The following DOK6 variants were observed in gnomAD, a reference collection of about 807,000 sequenced individuals.
DOK6 encodes the protein docking protein 6, also known as downstream of tyrosine kinase 6.
Under a neutral mutation model 44.0 loss-of-function variants are expected in DOK6, and 22 were observed. That is an observed-to-expected ratio of 0.50 (90% confidence interval 0.36 to 0.71). The LOEUF is 0.71. DOK6 is among the 30% of genes least tolerant of loss of function. DOK6 has a pLI of 0.00. For missense variants in DOK6, 340 were observed against 416.4 expected (o/e 0.82, Z 1.60); for synonymous variants, 166 against 145.5 (o/e 1.14, Z -1.01).
At chr18:69,656,866 C>T (rs930782990) in intron 3 of DOK6, among the ~76,000 whole-genome samples, 1 of 152,156 alleles carries the variant, frequency 6.6e-6, no homozygotes, top group Non-Finnish European at 1.5e-5. Context: ...TAGAATGCAA[C>T]TTCTCAGGTT....
At chr18:69,422,020 A>G (rs891219534) in intron 1 of DOK6, among the ~76,000 whole-genome samples, 3 of 152,216 alleles carry the variant, frequency 2.0e-5, no homozygotes, top group Non-Finnish European at 4.4e-5. Flanking sequence ...AGCTAGAATC[A>G]CTTAGAAAGC....
intron 7 of DOK6, among the ~76,000 whole-genome samples, chr18:69,802,201 T>C (rs1980923006): frequency 6.6e-6 from 1 of 152,122 alleles, no homozygotes; most frequent in South Asian, 2.1e-4. Context: ...AGAACAGAAA[T>C]GGTGTGTTTT....
chr18:69,518,674 TG>T (rs1317581230), intron 1 of DOK6, among the ~76,000 whole-genome samples: 1 of 152,126 alleles, frequency 6.6e-6, no homozygotes. Flanking sequence ...AATCTTTTCA[TG>T]GCATTATTTC....
chr18:69,413,766 A>T (rs1006562542), intron 1 of DOK6, among the ~76,000 whole-genome samples: 14 of 152,114 alleles, frequency 9.2e-5, no homozygotes, highest in African/African-American at 3.4e-4. Flanking sequence ...GAAATTAAAA[A>T]CTTTTGCTCT....
chr18:69,606,551 A>G (rs889832196), intron 3 of DOK6, among the ~76,000 whole-genome samples: 6 of 151,920 alleles, frequency 3.9e-5, no homozygotes, highest in Non-Finnish European at 7.4e-5. Context: ...AGTCCTACCC[A>G]GAGAAATTAG....
chr18:69,566,312 G>C (rs981022842), intron 2 of DOK6, among the ~76,000 whole-genome samples: 5 of 151,760 alleles, frequency 3.3e-5, no homozygotes, highest in Admixed American at 2.0e-4. Context: ...AATTTTTTGT[G>C]TTTTTAGTAG....
At chr18:69,682,632 A>G (rs776879444) in intron 4 of DOK6, among the ~76,000 whole-genome samples, 2 of 152,178 alleles carry the variant, frequency 1.3e-5, no homozygotes. Flanking sequence ...GGCAAGTCCT[A>G]TTGCCAAGCC....
chr18:69,414,190 GA>G (rs1201612978), intron 1 of DOK6, among the ~76,000 whole-genome samples: 3 of 152,012 alleles, frequency 2.0e-5, no homozygotes, highest in African/African-American at 7.2e-5. Flanking sequence ...TCAATTTCTT[GA>G]CAACCTACAT....
intron 4 of DOK6, among the ~76,000 whole-genome samples, chr18:69,685,226 AT>A (rs964873419): frequency 2.1e-4 from 32 of 151,566 alleles, no homozygotes; most frequent in African/African-American, 4.8e-4. Flanking sequence ...TCGATTATCC[AT>A]TTTTTTTTCC....
intron 3 of DOK6, among the ~76,000 whole-genome samples, chr18:69,635,832 T>C (rs1984793992): frequency 6.6e-6 from 1 of 152,220 alleles, no homozygotes; most frequent in African/African-American, 2.4e-5. Context: ...TTTCTTTGGA[T>C]TTTGGAAACA....
intron 1 of DOK6, among the ~76,000 whole-genome samples, chr18:69,413,788 T>G (rs1181956972): frequency 2.0e-5 from 3 of 151,930 alleles, no homozygotes; most frequent in Non-Finnish European, 4.4e-5. Flanking sequence ...TGAAAGACCC[T>G]ATTAAGAGGA....
intron 1 of DOK6, among the ~76,000 whole-genome samples, chr18:69,533,271 A>C (rs1472383176): frequency 6.6e-6 from 1 of 152,154 alleles, no homozygotes; most frequent in Non-Finnish European, 1.5e-5. Context: ...ACATAACTCC[A>C]GTATTAATTC....
chr18:69,587,539 A>T (rs1178181461), intron 2 of DOK6, among the ~76,000 whole-genome samples: 1 of 152,116 alleles, frequency 6.6e-6, no homozygotes, highest in Non-Finnish European at 1.5e-5. Context: ...GGTTCTAGGG[A>T]CTAGGACTTG....
intron 3 of DOK6, among the ~76,000 whole-genome samples, chr18:69,671,119 A>G (rs1026337720): frequency 7.2e-5 from 11 of 152,148 alleles, no homozygotes; most frequent in African/African-American, 2.7e-4. Context: ...TAACCTCCGT[A>G]TTAAAGAATT....
At chr18:69,500,370 T>C (rs1981013193) in intron 1 of DOK6, among the ~76,000 whole-genome samples, 1 of 152,186 alleles carries the variant, frequency 6.6e-6, no homozygotes. Flanking sequence ...CCTTTATTCT[T>C]GCCATTCTCT....
chr18:69,761,611 C>G (rs957392253), intron 7 of DOK6, among the ~76,000 whole-genome samples: 17 of 152,094 alleles, frequency 1.1e-4, no homozygotes, highest in Non-Finnish European at 1.5e-5. Flanking sequence ...CCTTGCTACC[C>G]GTCAGGGCTG....
chr18:69,773,372 C>A (rs558047533), intron 7 of DOK6, among the ~76,000 whole-genome samples: 1 of 151,828 alleles, frequency 6.6e-6, no homozygotes, highest in African/African-American at 2.4e-5. Context: ...AGTAGGATCT[C>A]GAAGCGATAT....
chr18:69,587,015 T>A (rs1390050809), intron 2 of DOK6, among the ~76,000 whole-genome samples: 1 of 152,158 alleles, frequency 6.6e-6, no homozygotes, highest in Non-Finnish European at 1.5e-5. Flanking sequence ...GAAACAAATA[T>A]CTTACTGGAG....
chr18:69,623,421 A>T (rs1277892833), intron 3 of DOK6, among the ~76,000 whole-genome samples: 1 of 152,228 alleles, frequency 6.6e-6, no homozygotes, highest in Non-Finnish European at 1.5e-5. Flanking sequence ...CATAAAAAAA[A>T]GATAAAAATC....
Sources: gnomAD v4.1 joint callset for allele counts (sites outside exome capture counted in the v4.1 genomes callset) on GRCh38, gnomAD v4.1.1 for gene constraint, MANE v1.5 for transcripts, NCBI Gene and HGNC (gene_info 2026-07-23, HGNC 2026-07-21) for gene names.